Variants in SMOC2 observed in about 807,000 individuals in gnomAD.
SMOC2 encodes the protein SPARC related modular calcium binding 2, also known as SPARC-related modular calcium-binding protein 2.
In SMOC2, 39 loss-of-function variants were observed where a neutral mutation model predicts 61.4. The ratio of observed to expected loss-of-function variants is 0.64; its 90% CI spans 0.49 to 0.83. The LOEUF (loss-of-function observed/expected upper bound fraction) is 0.83, where lower values mean the gene tolerates loss of function less well. Among genes scored for constraint, SMOC2 ranks in the 40% least tolerant of loss-of-function variants. SMOC2 has a pLI of 0.00. For synonymous variants in SMOC2, 247 were observed against 239.9 expected, an observed-to-expected ratio of 1.03 and a Z score of -0.27; for missense variants, 556 against 592.9, an observed-to-expected ratio of 0.94 and a Z score of 0.65.
chr6:168,657,732 C>A (rs1297106602), intron 11 of SMOC2, among the ~76,000 whole-genome samples: 1 of 152,134 alleles, frequency 6.6e-6, no homozygotes, highest in Non-Finnish European at 1.5e-5. Context: ...TGGTGAGGGC[C>A]TTTGTGCTGT....
At chr6:168,641,897 T>C (rs1365932196) in intron 9 of SMOC2, among the ~76,000 whole-genome samples, 1 of 152,152 alleles carries the variant, frequency 6.6e-6, no homozygotes, top group Non-Finnish European at 1.5e-5. Flanking sequence ...TTGTCTAGAA[T>C]AATGAAAAGA....
Position 168,558,600 on chromosome 6 carries a change from C to T in SMOC2, c.637+9397C>T, listed in dbSNP as rs76936410. On this transcript the variant is annotated intron_variant, in intron 7 of 12. Coordinates refer to ENST00000356284, the MANE Select transcript of SMOC2 (RefSeq NM_001166412.2). ...AATGGTAATGGTAAGACCCACCTCC[C>T]GGAAAAGCCCCAGAGCTCAGTCTGG... 2.3e-3 allele frequency among the ~76,000 whole-genome samples: 347 copies of T among 152,294 alleles called. 10 individuals carry two copies. The East Asian group carries it at 0.053, about 23-fold the overall frequency.
intron 7 of SMOC2, among the ~76,000 whole-genome samples, chr6:168,559,938 A>G (rs989973039): frequency 6.6e-6 from 1 of 152,210 alleles, no homozygotes; most frequent in African/African-American, 2.4e-5. Flanking sequence ...CTATAGTTAC[A>G]ATCAAGGCAA....
intron 7 of SMOC2, among the ~76,000 whole-genome samples, chr6:168,577,233 A>G (rs1175183465): frequency 2.0e-5 from 3 of 151,952 alleles, no homozygotes; most frequent in African/African-American, 7.2e-5. Context: ...TTCCATCTAA[A>G]CACGCACTCT....
chr6:168,483,463 C>G (rs1341193287), intron 1 of SMOC2, among the ~76,000 whole-genome samples: 1 of 152,074 alleles, frequency 6.6e-6, no homozygotes, highest in Admixed American at 6.5e-5. Context: ...GGAAACACAT[C>G]CCACGTTCAT....
chr6:168,551,901 G>T (rs921694129), intron 7 of SMOC2, among the ~76,000 whole-genome samples: 1 of 152,180 alleles, frequency 6.6e-6, no homozygotes, highest in Admixed American at 6.5e-5. Context: ...CAAATGACCT[G>T]CCATTATAAT....
At chr6:168,621,968 T>C (rs560298005) in intron 9 of SMOC2, among the ~76,000 whole-genome samples, 4 of 146,166 alleles carry the variant, frequency 2.7e-5, no homozygotes, top group African/African-American at 7.4e-5. Flanking sequence ...GGATTAATCT[T>C]CTTTTTTTTT....
At chr6:168,466,469 G>A (rs978432474) in intron 1 of SMOC2, among the ~76,000 whole-genome samples, 3 of 152,206 alleles carry the variant, frequency 2.0e-5, no homozygotes, top group Non-Finnish European at 2.9e-5. Context: ...GTTGGTGGTG[G>A]GGGAAGGGTT....
chr6:168,480,600 A>T (rs1782184084), intron 1 of SMOC2, among the ~76,000 whole-genome samples: 2 of 152,118 alleles, frequency 1.3e-5, no homozygotes. Context: ...ATGGAAGAAA[A>T]GGCAAAAGAG....
chr6:168,463,206 G>A (rs1781753913), intron 1 of SMOC2, among the ~76,000 whole-genome samples: 1 of 152,166 alleles, frequency 6.6e-6, no homozygotes, highest in East Asian at 1.9e-4. Context: ...GTGCAGAATT[G>A]TCTTCCTAAT....
intron 2 of SMOC2, among the ~76,000 whole-genome samples, chr6:168,516,637 C>T (rs1374662800): frequency 1.3e-5 from 2 of 152,182 alleles, no homozygotes; most frequent in Admixed American, 6.5e-5. Flanking sequence ...CACATGAGGC[C>T]CACGGTGCAG....
chr6:168,458,658 C>G (rs997138659), intron 1 of SMOC2, among the ~76,000 whole-genome samples: 7 of 152,128 alleles, frequency 4.6e-5, no homozygotes, highest in Non-Finnish European at 8.8e-5. Context: ...AGCTTGCACC[C>G]CTGTCCGGGC....
intron 9 of SMOC2, among the ~76,000 whole-genome samples, chr6:168,624,330 A>G (rs1786327419): frequency 1.3e-5 from 2 of 152,248 alleles, no homozygotes; most frequent in Admixed American, 6.5e-5. Context: ...AGCTAATCTG[A>G]GCTGCATGTG....
intron 1 of SMOC2, among the ~76,000 whole-genome samples, chr6:168,501,578 C>A (rs1331969636): frequency 1.3e-5 from 2 of 152,134 alleles, no homozygotes; most frequent in Non-Finnish European, 2.9e-5. Context: ...AAGATGGAAC[C>A]AAGAGCTCTA....
chr6:168,447,448 C>T (rs1242207656), intron 1 of SMOC2, among the ~76,000 whole-genome samples: 1 of 152,192 alleles, frequency 6.6e-6, no homozygotes, highest in African/African-American at 2.4e-5. Context: ...CCAGCTGAGA[C>T]TCCCTGAAGG....
chr6:168,562,375 CACAA>C (rs1784437868), intron 7 of SMOC2, among the ~76,000 whole-genome samples: 1 of 95,870 alleles, frequency 1.0e-5, no homozygotes, highest in Admixed American at 1.0e-4. Flanking sequence ...TGCCCTGAGA[CACAA>C]GGCTCTCACT....
At chr6:168,639,457 G>A (rs1786835889) in intron 9 of SMOC2, among the ~76,000 whole-genome samples, 1 of 152,132 alleles carries the variant, frequency 6.6e-6, no homozygotes, top group South Asian at 2.1e-4. Context: ...AGTAGGATAG[G>A]GTATCTGGGA....
chr6:168,603,285 G>C (rs80259804), intron 8 of SMOC2, among the ~76,000 whole-genome samples: 1 of 137,990 alleles, frequency 7.2e-6, no homozygotes, highest in African/African-American at 2.7e-5. Context: ...CCGAGTCTCA[G>C]GTATTTCTTC....
At chr6:168,461,685 G>A (rs1238267486) in intron 1 of SMOC2, among the ~76,000 whole-genome samples, 1 of 152,152 alleles carries the variant, frequency 6.6e-6, no homozygotes, top group African/African-American at 2.4e-5. Flanking sequence ...GTCGGGTCAA[G>A]CGTCACTATT....
Sources: allele counts gnomAD v4.1 joint callset (sites outside exome capture counted in the v4.1 genomes callset), GRCh38; gene constraint gnomAD v4.1.1; transcripts MANE v1.5; gene names NCBI Gene and HGNC (gene_info 2026-07-23, HGNC 2026-07-21).